The following WDR41 variants were observed in gnomAD, a reference collection of about 807,000 sequenced individuals.
The protein encoded by WDR41 is WD repeat-containing protein 41.
In WDR41, 63 loss-of-function variants were observed where a neutral mutation model predicts 69.3. That is an observed-to-expected ratio of 0.91 (90% CI 0.74 to 1.12). The LOEUF is 1.12. WDR41 is among the 50% of genes most tolerant of loss of function. The pLI, the probability that WDR41 is intolerant of heterozygous loss-of-function variation, is 0.00. For missense variants in WDR41, 543 were observed against 534.5 expected (o/e 1.02, Z -0.16); for synonymous variants, 185 against 192.1 (o/e 0.96, Z 0.31).
intron 1 of WDR41, among the ~76,000 whole-genome samples, chr5:77,554,592 T>C (rs1035446946): frequency 2.0e-5 from 3 of 150,262 alleles, no homozygotes; most frequent in Non-Finnish European, 3.0e-5. Flanking sequence ...CAGAAATAAA[T>C]TTGTTATTAT....
intron 1 of WDR41, among the ~76,000 whole-genome samples, chr5:77,512,351 A>AGAGAGAGAGAGAGAGAGAGAGAGAGTGT (rs1561211233): frequency 8.3e-6 from 1 of 120,304 alleles, no homozygotes; most frequent in African/African-American, 3.2e-5. Flanking sequence ...AGAGAGAGAG[A>AGAGAGAGAGAGAGAGAGAGAGAGAGTGT]GTGAGTGTGT....
At chr5:77,552,950 T>G (rs1743323964) in intron 1 of WDR41, among the ~76,000 whole-genome samples, 1 of 152,178 alleles carries the variant, frequency 6.6e-6, no homozygotes, top group Non-Finnish European at 1.5e-5. Context: ...GCAAAACACA[T>G]GGAAGAAAGT....
intron 1 of WDR41, among the ~76,000 whole-genome samples, chr5:77,516,953 T>A (rs1395940415): frequency 6.6e-6 from 1 of 150,816 alleles, no homozygotes; most frequent in Non-Finnish European, 1.5e-5. Context: ...GGATTGGAGG[T>A]TGCAGTGAGC....
At chr5:77,469,610 T>C (rs1047763897) in intron 2 of WDR41, among the ~76,000 whole-genome samples, 2 of 152,044 alleles carry the variant, frequency 1.3e-5, no homozygotes, top group South Asian at 4.1e-4. Context: ...TTAACACCCA[T>C]CAATAATCAC....
At chr5:77,507,555 C>A (rs539354270) in intron 1 of WDR41, among the ~76,000 whole-genome samples, 1 of 152,310 alleles carries the variant, frequency 6.6e-6, no homozygotes, top group African/African-American at 2.4e-5. Flanking sequence ...TCATCGCCTA[C>A]CTATATTGCC....
chr5:77,479,696 G>A (rs576477243), intron 2 of WDR41, among the ~76,000 whole-genome samples: 1 of 152,136 alleles, frequency 6.6e-6, no homozygotes, highest in African/African-American at 2.4e-5. Context: ...AGACATAAAC[G>A]TTAGACCTAA....
chr5:77,552,073 C>T (rs1004715107), intron 1 of WDR41, among the ~76,000 whole-genome samples: 2 of 144,074 alleles, frequency 1.4e-5, no homozygotes. Context: ...AATCTCCTAA[C>T]TAGTAGGGGA....
intron 1 of WDR41, among the ~76,000 whole-genome samples, chr5:77,548,341 A>G (rs2112236503): frequency 6.6e-6 from 1 of 152,398 alleles, no homozygotes. Context: ...CAGAGTAAAC[A>G]GACAACCCAC....
chr5:77,578,718 G>T (rs558028099), intron 1 of WDR41, among the ~76,000 whole-genome samples: 73 of 152,044 alleles, frequency 4.8e-4, no homozygotes, highest in African/African-American at 1.6e-3. Flanking sequence ...ACAAAAATTA[G>T]CCCGGCCTGG....
At chr5:77,497,258 T>G (rs1360344164), upstream of WDR41, among the ~76,000 whole-genome samples, 1 of 152,064 alleles carries the variant, frequency 6.6e-6, no homozygotes, top group African/African-American at 2.4e-5. Flanking sequence ...TTTGACTTCA[T>G]CAAAATTAAG....
At chr5:77,497,709 T>C (rs947496956) in intron 1 of WDR41, among the ~76,000 whole-genome samples, 10 of 152,070 alleles carry the variant, frequency 6.6e-5, no homozygotes, top group Middle Eastern at 3.4e-3. Context: ...AAGTTAAACA[T>C]ACAACTACCA....
intron 1 of WDR41, among the ~76,000 whole-genome samples, chr5:77,500,644 T>G (rs1031824611): frequency 6.6e-6 from 1 of 152,162 alleles, no homozygotes; most frequent in South Asian, 2.1e-4. Flanking sequence ...ATAGGTAACC[T>G]AAGTAGTCCC....
chr5:77,442,482 T>A (rs1371032251), intron 8 of WDR41, among the ~76,000 whole-genome samples: 3 of 152,194 alleles, frequency 2.0e-5, no homozygotes, highest in African/African-American at 7.2e-5. Flanking sequence ...AGATGTGGAC[T>A]GGTGTTTAAT....
chr5:77,453,898 A>G lies in WDR41; in HGVS notation c.442T>C (p.Trp148Arg), dbSNP rs748863748. ...CLTVLQRLDV[W>R]LSGGNDLCVW... Reference sequence around the variant, plus strand: ...CACAGGTCATTCCCACCAGAAAGCCAAACATCTAGTCTCTGAAGAACAGTT... The same window carrying G: ...CACAGGTCATTCCCACCAGAAAGCCGAACATCTAGTCTCTGAAGAACAGTT... Residue 148 changes from tryptophan (W) to arginine (R), a missense_variant, in exon 6 of 13, where the codon TGG becomes CGG. Trp to Arg is a moderately radical substitution (Grantham distance 101, BLOSUM62 -3). Transcript: ENST00000296679. 13 of 1,614,024 alleles carry G rather than the reference A, an allele frequency of 8.1e-6. No individual in the cohort carries two copies. The South Asian group carries it at 1.3e-4, about 16-fold the overall frequency.
chr5:77,554,841 G>A lies in WDR41; in HGVS notation c.43-65269C>T, dbSNP rs190653720. Among the ~76,000 whole-genome samples the A allele has an allele frequency of 1.4e-3, 219 of 152,044 alleles. 1 individual carries two copies. Among genetic ancestry groups the A allele is most frequent in the Admixed American group, 4.7e-3 (72 of 15,270 alleles). On this transcript the variant is annotated intron_variant, in intron 1 of 5. Coordinates refer to the WDR41 transcript ENST00000509971. Reference sequence around the variant, plus strand: ...TAGCTGATAAAAGTGCCTAGAGGCCGGGTGGGGTGGCTCATGCCTGCAATC... The same window carrying A: ...TAGCTGATAAAAGTGCCTAGAGGCCAGGTGGGGTGGCTCATGCCTGCAATC...
rs376698672 is a variant in WDR41, at chr5:77,585,967, G to GA, written c.42+34511dup. ...ACCACCTGTACCCCAATAACTTATG[G>GA]AAAAAATACATATAGTTTACTCTTC... On this transcript the variant is annotated intron_variant, in intron 1 of 5. Transcript: ENST00000509971. Among the ~76,000 whole-genome samples the GA allele has an allele frequency of 3.2e-3, 493 of 152,010 alleles. 3 individuals are homozygous for GA. The highest frequency in any genetic ancestry group is 0.011 in the African/African-American group (475 of 41,472).
At chr5:77,445,078 A>G (rs1799325030) in intron 8 of WDR41, among the ~76,000 whole-genome samples, 4 of 152,210 alleles carry the variant, frequency 2.6e-5, no homozygotes, top group African/African-American at 9.6e-5. Flanking sequence ...AAATAGACAC[A>G]ATAAAAGATG....
intron 1 of WDR41, among the ~76,000 whole-genome samples, chr5:77,516,372 T>C (rs113708664): frequency 0.021 from 3,202 of 152,286 alleles, 96 homozygotes; most frequent in African/African-American, 0.064. Context: ...GAATATATTA[T>C]ATAAAAATTA....
intron 1 of WDR41, among the ~76,000 whole-genome samples, chr5:77,498,097 A>C (rs1461075105): frequency 6.6e-6 from 1 of 152,162 alleles, no homozygotes; most frequent in Non-Finnish European, 1.5e-5. Flanking sequence ...GAGAGGGGGA[A>C]ATAGGGAGTT....
Sources: allele counts gnomAD v4.1 joint callset (sites outside exome capture counted in the v4.1 genomes callset), GRCh38; gene constraint gnomAD v4.1.1; transcripts MANE v1.5; gene names NCBI Gene and HGNC (gene_info 2026-07-23, HGNC 2026-07-21).